The following UPP2 variants were observed in gnomAD, a reference collection of about 807,000 sequenced individuals.
UPP2 encodes UPase 2.
A neutral mutation model predicts 26.7 loss-of-function variants in UPP2; 23 were observed. The observed-to-expected ratio is 0.86, with a 90% CI of 0.62 to 1.22. The LOEUF (loss-of-function observed/expected upper bound fraction) is 1.22. Ranked by LOEUF, UPP2 falls within the 50% of genes most tolerant of loss-of-function variation. UPP2 has a pLI of 0.00. For synonymous variants in UPP2, 127 were observed against 141.3 expected, an observed-to-expected ratio of 0.90 and a Z score of 0.72; for missense variants, 387 against 396.7, an observed-to-expected ratio of 0.98 and a Z score of 0.21.
chr2:158,009,247 A>G (rs1683539926), intron 2 of UPP2, among the ~76,000 whole-genome samples: 1 of 152,162 alleles, frequency 6.6e-6, no homozygotes, highest in African/African-American at 2.4e-5. Context: ...GTACATTCTG[A>G]ATTACTTGAA....
chr2:158,033,409 C>G (rs1038921436), intron 3 of UPP2, among the ~76,000 whole-genome samples: 3 of 152,154 alleles, frequency 2.0e-5, no homozygotes, highest in Non-Finnish European at 4.4e-5. Context: ...TGAGATGAGA[C>G]TCAGGGGTGC....
chr2:158,122,862 C>A (rs1683600477), intron 5 of UPP2, among the ~76,000 whole-genome samples: 2 of 151,994 alleles, frequency 1.3e-5, no homozygotes, highest in Admixed American at 6.6e-5. Flanking sequence ...TTTGAATCAG[C>A]TTAAATAGAG....
chr2:158,065,852 T>A (rs1211011965), intron 3 of UPP2: 5 of 664,090 alleles, frequency 7.5e-6, no homozygotes, highest in Non-Finnish European at 1.4e-5. Context: ...CTGCTGTTCA[T>A]TGCATTGCAG....
At position 158,028,224 on chromosome 2, in the gene UPP2, T is replaced by A. The variant is rs56850327; in HGVS notation, c.147+12338T>A. ...ATTTTCCAAACTTTTATGCTCTGCTTCCCTTATAAAACTGAATGCCTTTAA... is the reference window on the plus strand; with the variant it reads ...ATTTTCCAAACTTTTATGCTCTGCTACCCTTATAAAACTGAATGCCTTTAA... On this transcript the variant is annotated intron_variant, in intron 3 of 9. Coordinates refer to the UPP2 transcript ENST00000605860. 4.4e-3 allele frequency among the ~76,000 whole-genome samples: 667 copies of A among 152,366 alleles called. 3 individuals carry two copies. The highest frequency in any genetic ancestry group is 0.015 in the African/African-American group (613 of 41,586).
chr2:158,116,143 A>G (rs1184588391), intron 3 of UPP2, among the ~76,000 whole-genome samples: 7 of 152,208 alleles, frequency 4.6e-5, no homozygotes, highest in African/African-American at 1.7e-4. Flanking sequence ...TGCAACACCA[A>G]TAAGGCAGCT....
Position 158,134,837 on chromosome 2 carries a change from CCT to C in UPP2, c.903_904del (p.Gln302AlafsTer15). The C allele has an allele frequency of 6.2e-7, 1 of 1,613,678 alleles. No individual in the cohort carries two copies. Among genetic ancestry groups the C allele is most frequent in the South Asian group, 1.1e-5 (1 of 91,016 alleles). On this transcript the variant is annotated frameshift_variant, in exon 7 of 7. Coordinates refer to ENST00000005756, the MANE Select transcript of UPP2 (RefSeq NM_173355.4). LOFTEE classifies it high-confidence loss of function. ...TGTCCTGGTGGAGTACCAGCAACGG[CCT>C]CAGCTCCTAATCTCCAACTTCATCA... ...HDVLVEYQQRPQLLISNFIRR... is the reference protein window; with the variant it reads ...HDVLVEYQQRXQLLISNFIRR...
At chr2:158,046,437 C>T (rs1245789557) in intron 3 of UPP2, among the ~76,000 whole-genome samples, 1 of 152,184 alleles carries the variant, frequency 6.6e-6, no homozygotes, top group Non-Finnish European at 1.5e-5. Context: ...CTCCCCCAGC[C>T]AGAGAATCTG....
chr2:158,087,760 T>C (rs1212056194), intron 3 of UPP2, among the ~76,000 whole-genome samples: 1 of 152,150 alleles, frequency 6.6e-6, no homozygotes, highest in Non-Finnish European at 1.5e-5. Context: ...AAGTTTAGTT[T>C]CTCTGGATCC....
intron 3 of UPP2, among the ~76,000 whole-genome samples, chr2:158,079,300 A>T (rs1030810388): frequency 2.0e-5 from 3 of 152,098 alleles, no homozygotes; most frequent in African/African-American, 4.8e-5. Context: ...ATTTTTTTTA[A>T]AAAAAGGAAA....
chr2:158,055,952 G>A (rs983875108), intron 3 of UPP2, among the ~76,000 whole-genome samples: 1 of 152,192 alleles, frequency 6.6e-6, no homozygotes, highest in Non-Finnish European at 1.5e-5. Context: ...CTGGCATACA[G>A]TGAATGAATG....
chr2:158,105,006 G>A (rs1230472953), intron 1 of UPP2, among the ~76,000 whole-genome samples: 210 of 10,654 alleles, frequency 0.02, no homozygotes, highest in Non-Finnish European at 0.057. Context: ...GGAGGGGAGG[G>A]GAGGGGAGGG....
intron 2 of UPP2, among the ~76,000 whole-genome samples, chr2:157,999,117 A>G (rs1683366355): frequency 6.6e-6 from 1 of 151,850 alleles, no homozygotes; most frequent in African/African-American, 2.4e-5. Flanking sequence ...TTTATTTTTC[A>G]TCTCACATAT....
chr2:158,129,820 C>A (rs575208310), intron 6 of UPP2, among the ~76,000 whole-genome samples: 1 of 151,336 alleles, frequency 6.6e-6, no homozygotes, highest in African/African-American at 2.4e-5. Flanking sequence ...GATTGGAACA[C>A]AGTGGTATGA....
intron 3 of UPP2, among the ~76,000 whole-genome samples, chr2:158,076,246 A>G (rs954774974): frequency 5.9e-5 from 9 of 152,076 alleles, no homozygotes; most frequent in Admixed American, 4.6e-4. Context: ...AAACATTTAA[A>G]GAAGAATTAA....
At chr2:158,009,435 C>T (rs1683542906) in intron 2 of UPP2, among the ~76,000 whole-genome samples, 1 of 152,120 alleles carries the variant, frequency 6.6e-6, no homozygotes, top group African/African-American at 2.4e-5. Context: ...TCCAGAATAA[C>T]CAGAGCCAAA....
At chr2:158,129,371 G>C (rs977429994) in intron 6 of UPP2, among the ~76,000 whole-genome samples, 1 of 152,090 alleles carries the variant, frequency 6.6e-6, no homozygotes, top group African/African-American at 2.4e-5. Context: ...GGACCTCCTG[G>C]AGAAGACAGC....
intron 6 of UPP2, among the ~76,000 whole-genome samples, chr2:158,130,460 A>G (rs1488056829): frequency 3.8e-4 from 27 of 71,060 alleles, no homozygotes; most frequent in Admixed American, 2.9e-3. Flanking sequence ...CAAAAAAAAA[A>G]ACAAAAAAAA....
intron 3 of UPP2, among the ~76,000 whole-genome samples, chr2:158,094,246 A>C (rs575349835): frequency 1.2e-4 from 19 of 152,224 alleles, no homozygotes; most frequent in African/African-American, 4.1e-4. Context: ...TTCCTTTAAA[A>C]AAAAATGTGT....
intron 2 of UPP2, among the ~76,000 whole-genome samples, chr2:158,113,856 T>C (rs1683368661): frequency 6.6e-6 from 1 of 152,224 alleles, no homozygotes; most frequent in Admixed American, 6.5e-5. Context: ...TCCTGTGTAC[T>C]AAATTCTGCA....
Sources: gnomAD v4.1 joint callset for allele counts (sites outside exome capture counted in the v4.1 genomes callset) on GRCh38, gnomAD v4.1.1 for gene constraint, MANE v1.5 for transcripts, NCBI Gene and HGNC (gene_info 2026-07-23, HGNC 2026-07-21) for gene names.